Variants in GARIN1A observed in about 807,000 individuals in gnomAD.
The protein encoded by GARIN1A is golgi associated RAB2 interactor 1A, also known as Golgi-associated RAB2 interactor protein 1A.
chr7:128,686,688 CAACATGGTGAAACCCTGTCTCTACT>C, the GARIN1A span: 1 of 152,230 alleles, frequency 6.6e-6, no homozygotes, highest in Non-Finnish European at 1.5e-5. Context: ...CCAGCCTGGC[CAACATGGTGAAACCCTGTCTCTACT>C]AAAAATGTGA....
At chr7:128,693,343 AG>A in the GARIN1A span, 5 of 152,306 alleles carry the variant, frequency 3.3e-5, no homozygotes, top group African/African-American at 1.2e-4. Context: ...AAGGAAGGAA[AG>A]AAATGTCTGT....
chr7:128,675,794 C>A, the GARIN1A span: 1 of 1,613,898 alleles, frequency 6.2e-7, no homozygotes, highest in South Asian at 1.1e-5. Flanking sequence ...CCAATGTTAC[C>A]TGGCCCCAGG....
the GARIN1A span, among the ~76,000 whole-genome samples, chr7:128,699,820 C>A: frequency 6.6e-6 from 1 of 152,168 alleles, no homozygotes; most frequent in Admixed American, 6.5e-5. Flanking sequence ...ATTAAAATCA[C>A]CTTCTGTGAT....
At chr7:128,697,044 A>T in the GARIN1A span, among the ~76,000 whole-genome samples, 1 of 152,318 alleles carries the variant, frequency 6.6e-6, no homozygotes, top group East Asian at 1.9e-4. Flanking sequence ...CTTGGTGCTT[A>T]ACCAAAAGTT....
the GARIN1A span, chr7:128,683,013 C>A: frequency 5.6e-6 from 9 of 1,610,464 alleles, no homozygotes; most frequent in East Asian, 1.3e-4. Flanking sequence ...CTACAAGATA[C>A]CCTCTCCAGT....
chr7:128,672,606 G>C, the GARIN1A span: 1 of 1,445,724 alleles, frequency 6.9e-7, no homozygotes, highest in Non-Finnish European at 9.3e-7. Flanking sequence ...CCTGTTCCTA[G>C]GGGTTGGTTA....
At chr7:128,686,407 G>A in the GARIN1A span, 1 of 152,092 alleles carries the variant, frequency 6.6e-6, no homozygotes, top group African/African-American at 2.4e-5. Flanking sequence ...ATAAACCGGA[G>A]CCACAGAGAG....
At chr7:128,701,500 TC>T in the GARIN1A span, among the ~76,000 whole-genome samples, 18 of 150,546 alleles carry the variant, frequency 1.2e-4, no homozygotes, top group African/African-American at 4.4e-4. Context: ...ATGTAGCTTG[TC>T]CCTACTGCTG....
the GARIN1A span, among the ~76,000 whole-genome samples, chr7:128,701,668 AAGC>A: frequency 7.2e-3 from 1,103 of 152,150 alleles, 10 homozygotes; most frequent in Non-Finnish European, 0.011. Flanking sequence ...ACTAAGGACA[AAGC>A]AGGTGACTAA....
the GARIN1A span, chr7:128,675,556 A>C: frequency 9.0e-6 from 9 of 995,276 alleles, no homozygotes; most frequent in East Asian, 2.3e-4. Flanking sequence ...ATAGCAGGTC[A>C]GGGCCCAGCC....
the GARIN1A span, among the ~76,000 whole-genome samples, chr7:128,677,126 C>A: frequency 6.6e-6 from 1 of 151,942 alleles, no homozygotes; most frequent in Non-Finnish European, 1.5e-5. Context: ...ATTACATGAG[C>A]TTTCTCCCTT....
the GARIN1A span, chr7:128,688,019 A>G: frequency 6.9e-6 from 1 of 145,512 alleles, no homozygotes; most frequent in African/African-American, 2.6e-5. Context: ...CCCACATACA[A>G]TCTTTTTTTT....
the GARIN1A span, chr7:128,677,893 A>T: frequency 8.2e-7 from 1 of 1,221,846 alleles, no homozygotes; most frequent in Non-Finnish European, 1.1e-6. Flanking sequence ...ATATATATAG[A>T]CTTGTTTCCA....
the GARIN1A span, among the ~76,000 whole-genome samples, chr7:128,671,699 A>AGCATTCCTGAAAATGTAACAACCAGCTC: frequency 6.6e-6 from 1 of 151,446 alleles, no homozygotes; most frequent in African/African-American, 2.4e-5. Flanking sequence ...ACTGGTTTGT[A>AGCATTCCTGAAAATGTAACAACCAGCTC]GCATTCCTGA....
At chr7:128,688,477 T>C in the GARIN1A span, among the ~76,000 whole-genome samples, 1 of 152,218 alleles carries the variant, frequency 6.6e-6, no homozygotes, top group African/African-American at 2.4e-5. Context: ...TTTCTGCTTC[T>C]TGGTTACAAG....
the GARIN1A span, among the ~76,000 whole-genome samples, chr7:128,689,194 C>A: frequency 1.3e-5 from 2 of 152,142 alleles, no homozygotes; most frequent in Non-Finnish European, 2.9e-5. Context: ...TCCAAAGTGC[C>A]GAGATTGCAG....
At chr7:128,671,828 G>A in the GARIN1A span, among the ~76,000 whole-genome samples, 2 of 150,786 alleles carry the variant, frequency 1.3e-5, no homozygotes, top group Non-Finnish European at 1.5e-5. Flanking sequence ...TAGTTAACAG[G>A]TGTCCATTTC....
At chr7:128,688,773 CCT>C in the GARIN1A span, among the ~76,000 whole-genome samples, 38 of 30,818 alleles carry the variant, frequency 1.2e-3, 1 homozygote, top group African/African-American at 3.7e-3. Flanking sequence ...CTCCCCCTCC[CCT>C]CCCCCTCCCC....
the GARIN1A span, among the ~76,000 whole-genome samples, chr7:128,671,876 A>G: frequency 6.6e-6 from 1 of 151,236 alleles, no homozygotes; most frequent in Admixed American, 6.6e-5. Context: ...CTCCCATGAG[A>G]TGGGGTAGGG....
Sources: allele counts gnomAD v4.1 joint callset (sites outside exome capture counted in the v4.1 genomes callset), GRCh38; gene constraint gnomAD v4.1.1; transcripts MANE v1.5; gene names NCBI Gene and HGNC (gene_info 2026-07-23, HGNC 2026-07-21).